MARCHF6: variants seen among roughly 807,000 people sequenced by gnomAD.
MARCHF6 encodes the protein E3 ubiquitin-protein ligase MARCHF6.
Under a neutral mutation model 133.7 loss-of-function variants are expected in MARCHF6, and 31 were observed. That is an observed-to-expected ratio of 0.23 (90% confidence interval 0.17 to 0.31). The LOEUF is 0.31. Ranked by LOEUF, MARCHF6 falls within the 10% of genes least tolerant of loss-of-function variation. The pLI is 1.00. For synonymous variants in MARCHF6, 395 were observed against 402.5 expected (o/e 0.98, Z 0.22); for missense variants, 723 against 1,121.6 (o/e 0.64, Z 5.08).
chr5:10,353,944 G>T, intron 1 of MARCHF6, 27 bp downstream of exon 1: 3 of 1,541,440 alleles, frequency 1.9e-6, no homozygotes, highest in South Asian at 1.2e-5. Context: ...CGGCGCCCGA[G>T]CCCTTGCGTC....
intron 4 of MARCHF6, 144 bp from the exon 5 acceptor site, chr5:10,386,850 A>T (rs1737510013): frequency 1.7e-6 from 1 of 582,506 alleles, no homozygotes; most frequent in Non-Finnish European, 3.2e-6. Context: ...TAAAAATTTA[A>T]TATTTTGAGA....
chr5:10,376,400 C>T (rs927830365), intron 1 of MARCHF6, among the ~76,000 whole-genome samples: 1 of 151,960 alleles, frequency 6.6e-6, no homozygotes, highest in Non-Finnish European at 1.5e-5. Flanking sequence ...ACTCCGAACA[C>T]GTCCGAACAT....
Position 10,403,321 on chromosome 5 carries a change from GATT to G in MARCHF6, c.1198-82_1198-80del, listed in dbSNP as rs546964188. On this transcript the variant is annotated intron_variant, in intron 14 of 25. Coordinates refer to ENST00000274140, the MANE Select transcript of MARCHF6 (RefSeq NM_005885.4). ...AGGAATTGTTCCTTGCATGCATATT[GATT>G]ATTTATTTCCTAGAAGATGAAAATG... 2,106 of 1,347,652 alleles carry G rather than the reference GATT, an allele frequency of 1.6e-3. 8 individuals carry two copies. The highest frequency in any genetic ancestry group is 2.1e-3 in the South Asian group (153 of 72,342). 83.5% of individuals were successfully genotyped at this position (1,347,652 alleles called of 1,614,324 possible). A position where few individuals can be genotyped will look rare whatever the true frequency, so the allele number is the denominator to read the frequency against.
At chr5:10,374,802 G>T (rs76848787) in intron 1 of MARCHF6, among the ~76,000 whole-genome samples, 1 of 152,194 alleles carries the variant, frequency 6.6e-6, no homozygotes, top group African/African-American at 2.4e-5. Context: ...CCTTTGGGTC[G>T]TGGTAGGGGG....
rs374020918 is a variant in MARCHF6 at position 10,408,484 on chromosome 5, G to A, written c.1553+1282G>A. 5.3e-5 allele frequency among the ~76,000 whole-genome samples: 8 copies of A among 152,236 alleles called. No individual in the cohort carries two copies. In the South Asian group the frequency reaches 1.2e-3, roughly 24 times the overall value. ...TGTTTACAATGACTTGCTTGTCCAC[G>A]TTTGAGTGGCAAGCATTTGATATTC... On this transcript the variant is annotated intron_variant, in intron 17 of 25. Coordinates refer to ENST00000274140, the MANE Select transcript of MARCHF6 (RefSeq NM_005885.4).
At position 10,440,228 on chromosome 5, in the gene MARCHF6, AAATGATG is replaced by A. The variant is rs1198848206; in HGVS notation, c.*6548_*6554del. On this transcript the variant is annotated 3_prime_UTR_variant, in exon 26 of 26. Transcript: ENST00000274140. The stretch of plus-strand genomic sequence containing the variant: ...CAATAGTAATGCTAAGTTAGTAAAT[AAATGATG>A]AATTTAGAATCAAAATAATGTGTCT... 1 of 152,234 alleles carries A rather than the reference AAATGATG, an allele frequency of 6.6e-6. No homozygotes were observed. Among genetic ancestry groups the A allele is most frequent in the Non-Finnish European group, 1.5e-5 (1 of 68,048 alleles). 9.4% of individuals were successfully genotyped at this position (152,234 alleles called of 1,614,324 possible). A position where few individuals can be genotyped will look rare whatever the true frequency, so the allele number is the denominator to read the frequency against.
intron 1 of MARCHF6, among the ~76,000 whole-genome samples, chr5:10,367,205 A>G (rs1210231053): frequency 1.3e-5 from 2 of 152,234 alleles, no homozygotes; most frequent in Non-Finnish European, 2.9e-5. Context: ...GAGACATGAC[A>G]ACTAAATATA....
intron 4 of MARCHF6, among the ~76,000 whole-genome samples, chr5:10,382,943 C>A (rs1366267855): frequency 2.0e-5 from 3 of 152,038 alleles, no homozygotes; most frequent in African/African-American, 7.2e-5. Context: ...AATCAACCCC[C>A]CTAATCAATC....
At position 10,439,057 on chromosome 5, in the gene MARCHF6, A is replaced by C. The variant is rs1004811461; in HGVS notation, c.*5373A>C. 5 of 152,218 alleles carry C rather than the reference A, an allele frequency of 3.3e-5. No homozygotes were observed. The highest frequency in any genetic ancestry group is 1.3e-4 in the Admixed American group (2 of 15,280). 9.4% of individuals were successfully genotyped at this position (152,218 alleles called of 1,614,324 possible). A position where few individuals can be genotyped will look rare whatever the true frequency, so the allele number is the denominator to read the frequency against. On this transcript the variant is annotated 3_prime_UTR_variant, in exon 26 of 26. Coordinates refer to ENST00000274140, the MANE Select transcript of MARCHF6 (RefSeq NM_005885.4). ...GTAACTCTTCTTTAGGATACACCTA[A>C]AGATGAGAAGCTTCATACCCAGTAC... is the stretch of plus-strand genomic sequence containing the variant.
chr5:10,429,501 C>T (rs985274154), intron 24 of MARCHF6, among the ~76,000 whole-genome samples: 13 of 151,422 alleles, frequency 8.6e-5, no homozygotes, highest in Admixed American at 5.3e-4. Context: ...CAGGTTCAAG[C>T]GATTCTCCCA....
chr5:10,357,124 T>G (rs941364255), intron 1 of MARCHF6, among the ~76,000 whole-genome samples: 3 of 152,010 alleles, frequency 2.0e-5, no homozygotes, highest in Admixed American at 2.0e-4. Context: ...ACATTTGCCC[T>G]CCTCATTTTA....
chr5:10,381,871 A>G lies in MARCHF6; in HGVS notation c.262A>G (p.Thr88Ala). Residue 88 changes from threonine to alanine, a missense_variant, in exon 4 of 26, where the codon ACT becomes GCT. Transcript: ENST00000274140. ...TGCTGGACTGGTTACAAGTATTGGC[A>G]CTGCAATACGATATTGGTTTCATTA... ...IFAGLVTSIG[T>A]AIRYWFHYTL... 6.2e-7 allele frequency: 1 copy of G among 1,610,230 alleles called. No individual in the cohort carries two copies. Among genetic ancestry groups the G allele is most frequent in the Non-Finnish European group, 8.5e-7 (1 of 1,176,708 alleles).
At chr5:10,365,458 A>G (rs1736088928) in intron 1 of MARCHF6, among the ~76,000 whole-genome samples, 1 of 151,832 alleles carries the variant, frequency 6.6e-6, no homozygotes, top group Non-Finnish European at 1.5e-5. Flanking sequence ...ATGCCACCAC[A>G]CCTGGCTAAT....
Position 10,402,534 on chromosome 5 carries a change from T to A in MARCHF6, c.1124T>A (p.Val375Asp). The change falls in exon 14 of 26, where the codon GTC becomes GAC. Residue 375 changes from valine (V) to aspartate (D), a missense_variant and splice_region_variant. Transcript: ENST00000274140. Reference sequence around the variant, plus strand: ...TGATGACCTTTATTTTCACTTAAGGTCTCTTTGTTAGTGGTGGTAGAAATT... The same window carrying A: ...TGATGACCTTTATTTTCACTTAAGGACTCTTTGTTAGTGGTGGTAGAAATT... ...LLGVCYIVVK[V>D]SLLVVVEIGV... The A allele has an allele frequency of 6.2e-7, 1 of 1,613,828 alleles. No homozygotes were observed. The highest frequency in any genetic ancestry group is 8.5e-7 in the Non-Finnish European group (1 of 1,179,786).
At chr5:10,366,600 C>T (rs1162238673) in intron 1 of MARCHF6, among the ~76,000 whole-genome samples, 2 of 152,072 alleles carry the variant, frequency 1.3e-5, no homozygotes, top group African/African-American at 4.8e-5. Context: ...ACAAAAGAAA[C>T]TTTTAAAGGA....
intron 1 of MARCHF6, among the ~76,000 whole-genome samples, chr5:10,369,613 C>CGCA (rs140277872): frequency 2.2e-5 from 2 of 90,130 alleles, no homozygotes; most frequent in African/African-American, 8.6e-5. Flanking sequence ...ACCCCCCCCC[C>CGCA]CCCTTGCAAA....
At chr5:10,365,239 G>A (rs542200202) in intron 1 of MARCHF6, among the ~76,000 whole-genome samples, 101 of 152,232 alleles carry the variant, frequency 6.6e-4, no homozygotes, top group Middle Eastern at 6.8e-3. Flanking sequence ...ATTTAGTAAC[G>A]ATAGTAATCT....
At chr5:10,363,796 C>T (rs116286185) in intron 1 of MARCHF6, among the ~76,000 whole-genome samples, 5 of 152,298 alleles carry the variant, frequency 3.3e-5, no homozygotes, top group Non-Finnish European at 5.9e-5. Context: ...AGTACTGATG[C>T]ATGGTACAAC....
rs552340871 is a variant in MARCHF6 at position 10,358,502 on chromosome 5, CT to C, written c.19+4592del. ...TACCTCTGTACTGAACATGTACAGCCTTTTTTTCTTGTCATTATTCCTCAAA... is the reference window on the plus strand; with the variant it reads ...TACCTCTGTACTGAACATGTACAGCCTTTTTTCTTGTCATTATTCCTCAAA... On this transcript the variant is annotated intron_variant, in intron 1 of 25. Coordinates refer to ENST00000274140, the MANE Select transcript of MARCHF6 (RefSeq NM_005885.4). Among the ~76,000 whole-genome samples the C allele has an allele frequency of 6.9e-3, 1,054 of 152,202 alleles. 12 individuals are homozygous for C. Among genetic ancestry groups the C allele is most frequent in the Non-Finnish European group, 7.3e-3 (498 of 67,990 alleles).
Sources: gnomAD v4.1 joint callset for allele counts (sites outside exome capture counted in the v4.1 genomes callset) on GRCh38, gnomAD v4.1.1 for gene constraint, MANE v1.5 for transcripts, NCBI Gene and HGNC (gene_info 2026-07-23, HGNC 2026-07-21) for gene names.